Variants in CACNA2D3 observed in about 807,000 individuals in gnomAD.
CACNA2D3 encodes calcium voltage-gated channel auxiliary subunit alpha2delta 3.
A neutral mutation model predicts 160.6 loss-of-function variants in CACNA2D3; 60 were observed. The ratio of observed to expected loss-of-function variants is 0.37; its 90% CI spans 0.30 to 0.46. CACNA2D3 has a LOEUF of 0.46. CACNA2D3 is among the 20% of genes least tolerant of loss of function. CACNA2D3 has a pLI of 1.00. For missense variants in CACNA2D3, 1,205 were observed against 1,365.0 expected, an observed-to-expected ratio of 0.88 and a Z score of 1.85; for synonymous variants, 558 against 492.9, an observed-to-expected ratio of 1.13 and a Z score of -1.75.
chr3:54,761,805 C>T (rs140332096), intron 12 of CACNA2D3, among the ~76,000 whole-genome samples: 119 of 152,254 alleles, frequency 7.8e-4, no homozygotes, highest in Middle Eastern at 3.4e-3. Context: ...CATCAGGAAC[C>T]CAGAAGCCAC....
chr3:54,809,614 G>T (rs573660537), intron 13 of CACNA2D3, among the ~76,000 whole-genome samples: 2 of 140,096 alleles, frequency 1.4e-5, no homozygotes, highest in Non-Finnish European at 3.0e-5. Flanking sequence ...CACCGCGCCC[G>T]GCCCCTTCCT....
chr3:54,168,958 T>G (rs1700507007), intron 2 of CACNA2D3, among the ~76,000 whole-genome samples: 1 of 152,222 alleles, frequency 6.6e-6, no homozygotes, highest in African/African-American at 2.4e-5. Context: ...CTGCGCCATT[T>G]TATCTTTCTT....
chr3:54,601,402 C>G (rs929198046), intron 9 of CACNA2D3, among the ~76,000 whole-genome samples: 1 of 152,082 alleles, frequency 6.6e-6, no homozygotes, highest in Non-Finnish European at 1.5e-5. Flanking sequence ...GAAACGGGGT[C>G]CTGCTGTGTT....
rs996988375 is a variant in CACNA2D3 at position 54,529,263 on chromosome 3, A to G, written c.544+25609A>G. On this transcript the variant is annotated intron_variant, in intron 5 of 37. Transcript: ENST00000474759. The stretch of plus-strand genomic sequence containing the variant: ...GTATGCATACCCGTTTCTTAACAGT[A>G]GGCGTTCATGTTAGCGGTCTTCAAC... Among the ~76,000 whole-genome samples the G allele has an allele frequency of 5.3e-5, 8 of 152,268 alleles. No individual in the cohort carries two copies. The South Asian group carries it at 6.2e-4, about 12-fold the overall frequency.
intron 2 of CACNA2D3, among the ~76,000 whole-genome samples, chr3:54,284,388 ATATAT>A (rs1034837129): frequency 4.6e-5 from 7 of 151,756 alleles, no homozygotes; most frequent in African/African-American, 1.7e-4. Flanking sequence ...TATATTTGTA[ATATAT>A]TATATATTTT....
chr3:54,445,108 A>G (rs1379191788), intron 4 of CACNA2D3, among the ~76,000 whole-genome samples: 1 of 152,186 alleles, frequency 6.6e-6, no homozygotes, highest in African/African-American at 2.4e-5. Context: ...CAGGTGTCCA[A>G]TGACAAATGG....
intron 35 of CACNA2D3, among the ~76,000 whole-genome samples, chr3:55,027,430 T>C (rs1303365705): frequency 6.6e-6 from 1 of 152,208 alleles, no homozygotes. Flanking sequence ...AGGAAAATAA[T>C]GTTATTTGAT....
chr3:54,799,776 C>T (rs1200842024), intron 13 of CACNA2D3, among the ~76,000 whole-genome samples: 1 of 152,136 alleles, frequency 6.6e-6, no homozygotes, highest in East Asian at 1.9e-4. Flanking sequence ...CTATAACCTG[C>T]CAAACAGGCT....
At chr3:54,908,860 A>G (rs1412382615) in intron 27 of CACNA2D3, among the ~76,000 whole-genome samples, 1 of 152,218 alleles carries the variant, frequency 6.6e-6, no homozygotes, top group African/African-American at 2.4e-5. Context: ...ATGGAGGGGT[A>G]GAGACCATAG....
intron 27 of CACNA2D3, among the ~76,000 whole-genome samples, chr3:54,911,332 C>G (rs1472231747): frequency 7.4e-6 from 1 of 135,618 alleles, no homozygotes; most frequent in Admixed American, 7.4e-5. Flanking sequence ...TTCTCCTCCT[C>G]CCCCTCCTTC....
At chr3:55,008,599 T>A (rs1703146200) in intron 33 of CACNA2D3, among the ~76,000 whole-genome samples, 1 of 152,150 alleles carries the variant, frequency 6.6e-6, no homozygotes, top group Admixed American at 6.5e-5. Context: ...GTAACCTATA[T>A]TAATTTAATA....
At chr3:54,626,305 C>A in intron 9 of CACNA2D3, 4 of 1,542,842 alleles carry the variant, frequency 2.6e-6, no homozygotes, top group Non-Finnish European at 3.5e-6. Flanking sequence ...GTCCTACAAG[C>A]GGCTGATGCC....
chr3:54,493,197 C>T (rs2106925223), intron 4 of CACNA2D3, among the ~76,000 whole-genome samples: 1 of 151,178 alleles, frequency 6.6e-6, no homozygotes, highest in East Asian at 2.0e-4. Context: ...CCTGCCTCAG[C>T]CTCCCGCATA....
At chr3:54,337,739 C>G (rs760104350) in intron 3 of CACNA2D3, among the ~76,000 whole-genome samples, 1 of 152,154 alleles carries the variant, frequency 6.6e-6, no homozygotes, top group Admixed American at 6.5e-5. Context: ...AGTCAAATAG[C>G]CTCATTTCAA....
chr3:54,252,539 G>A (rs569305594), intron 2 of CACNA2D3, among the ~76,000 whole-genome samples: 41 of 152,210 alleles, frequency 2.7e-4, no homozygotes, highest in Non-Finnish European at 5.1e-4. Context: ...GGACTCAGCT[G>A]CAGTCTCTTA....
chr3:54,204,787 T>C (rs4927990), intron 2 of CACNA2D3, among the ~76,000 whole-genome samples: 55,763 of 122,118 alleles, frequency 0.46, 14,585 homozygotes, highest in East Asian at 0.77. Flanking sequence ...CAGAGCAAGA[T>C]GCTGTCTTGA....
intron 9 of CACNA2D3, among the ~76,000 whole-genome samples, chr3:54,593,574 T>C (rs898167141): frequency 9.2e-5 from 14 of 152,176 alleles, no homozygotes; most frequent in Admixed American, 3.3e-4. Context: ...AGAAAATATT[T>C]TAAATAAGTA....
intron 10 of CACNA2D3, among the ~76,000 whole-genome samples, chr3:54,637,480 G>C (rs1699403327): frequency 6.6e-6 from 1 of 151,936 alleles, no homozygotes; most frequent in East Asian, 1.9e-4. Flanking sequence ...GAACTGGGCA[G>C]GTGGGGATAA....
chr3:54,693,302 C>T (rs144598532), intron 11 of CACNA2D3, among the ~76,000 whole-genome samples: 6 of 152,258 alleles, frequency 3.9e-5, no homozygotes, highest in Non-Finnish European at 5.9e-5. Flanking sequence ...TATTCTTATG[C>T]GGTTTTTCCA....
Sources: allele counts gnomAD v4.1 joint callset (sites outside exome capture counted in the v4.1 genomes callset), GRCh38; gene constraint gnomAD v4.1.1; transcripts MANE v1.5; gene names NCBI Gene and HGNC (gene_info 2026-07-23, HGNC 2026-07-21).